GDA: variants seen among roughly 807,000 people sequenced by gnomAD.
The protein encoded by GDA is cytoplasmic PSD-95 interactor.
Under a neutral mutation model 59.6 loss-of-function variants are expected in GDA, and 18 were observed. That is an observed-to-expected ratio of 0.30 (90% CI 0.21 to 0.45). GDA has a LOEUF of 0.45. Ranked by LOEUF, GDA falls within the 20% of genes least tolerant of loss-of-function variation. The pLI is 1.00. For missense variants in GDA, 427 were observed against 552.3 expected, an observed-to-expected ratio of 0.77 and a Z score of 2.27; for synonymous variants, 201 against 201.1, an observed-to-expected ratio of 1.00 and a Z score of 0.00.
chr9:72,137,206 TAA>T (rs11343974), intron 1 of GDA, among the ~76,000 whole-genome samples: 109 of 57,964 alleles, frequency 1.9e-3, no homozygotes, highest in African/African-American at 2.9e-3. Flanking sequence ...ATAAATAAAT[TAA>T]AAAAAAAAAA....
chr9:72,185,010 A>G (rs979540087), intron 1 of GDA, among the ~76,000 whole-genome samples: 2 of 152,256 alleles, frequency 1.3e-5, no homozygotes, highest in Non-Finnish European at 2.9e-5. Context: ...GAGGAAGAAG[A>G]AGAAGATTTT....
At chr9:72,135,232 G>A (rs999537175) in intron 1 of GDA, among the ~76,000 whole-genome samples, 1 of 150,358 alleles carries the variant, frequency 6.7e-6, no homozygotes, top group African/African-American at 2.5e-5. Flanking sequence ...GTGTGTGTGT[G>A]TGTGTGTGTG....
At chr9:72,177,077 G>C (rs1255582776) in intron 1 of GDA, among the ~76,000 whole-genome samples, 1 of 147,506 alleles carries the variant, frequency 6.8e-6, no homozygotes, top group African/African-American at 2.5e-5. Flanking sequence ...ATCATTCTGA[G>C]ACCTTTATAA....
At chr9:72,155,424 T>A (rs1827780375) in intron 1 of GDA, among the ~76,000 whole-genome samples, 1 of 152,026 alleles carries the variant, frequency 6.6e-6, no homozygotes, top group African/African-American at 2.4e-5. Flanking sequence ...TGGAGGCACA[T>A]CCAAACCATA....
At chr9:72,142,475 A>AG (rs1826473849) in intron 1 of GDA, among the ~76,000 whole-genome samples, 1 of 151,680 alleles carries the variant, frequency 6.6e-6, no homozygotes, top group African/African-American at 2.4e-5. Flanking sequence ...CGGGAGGCTG[A>AG]GGCAGGAGAA....
At chr9:72,258,432 G>C (rs912642504), downstream of GDA, among the ~76,000 whole-genome samples, 1 of 152,212 alleles carries the variant, frequency 6.6e-6, no homozygotes, top group Non-Finnish European at 1.5e-5. Context: ...GTGGACTGGA[G>C]ACCAATTGCA....
Position 72,250,555 on chromosome 9 carries a change from A to C in GDA, c.*2213A>C. On this transcript the variant is annotated 3_prime_UTR_variant, in exon 14 of 14. Transcript: ENST00000358399. ...TATAACTTATGTGTTTTATTTCTCC[A>C]AGTGCGGTGTTCCTGAATGTTATGT... is the stretch of plus-strand genomic sequence containing the variant. 2 of 1,446,930 alleles carry C rather than the reference A, an allele frequency of 1.4e-6. No individual in the cohort carries two copies. Among genetic ancestry groups the C allele is most frequent in the Non-Finnish European group, 1.8e-6 (2 of 1,105,982 alleles). 89.6% of individuals were successfully genotyped at this position (1,446,930 alleles called of 1,614,324 possible).
At chr9:72,214,659 AC>A in intron 5 of GDA, 1 of 279,958 alleles carries the variant, frequency 3.6e-6, no homozygotes, top group Non-Finnish European at 6.8e-6. Context: ...TCACAGTCAT[AC>A]AGCTTTTAAG....
At chr9:72,224,487 TG>T (rs927139394) in intron 7 of GDA, among the ~76,000 whole-genome samples, 56 of 152,378 alleles carry the variant, frequency 3.7e-4, no homozygotes, top group African/African-American at 1.3e-3. Flanking sequence ...GATTTTGTGG[TG>T]CCCTAGAGAA....
chr9:72,175,545 G>C (rs962654529), intron 1 of GDA, among the ~76,000 whole-genome samples: 3 of 152,210 alleles, frequency 2.0e-5, no homozygotes, highest in African/African-American at 7.2e-5. Flanking sequence ...AGAGTTCATA[G>C]AAGATGTCTG....
At chr9:72,240,758 G>GCCAGGAGCCA (rs940236672) in intron 10 of GDA, among the ~76,000 whole-genome samples, 1 of 152,132 alleles carries the variant, frequency 6.6e-6, no homozygotes, top group Non-Finnish European at 1.5e-5. Flanking sequence ...GCCAAAGAAT[G>GCCAGGAGCCA]CCAGGAGCCA....
chr9:72,201,884 T>C (rs1188341214), intron 2 of GDA, among the ~76,000 whole-genome samples: 1 of 152,146 alleles, frequency 6.6e-6, no homozygotes, highest in Non-Finnish European at 1.5e-5. Flanking sequence ...GTGGTAGCAT[T>C]AGTGATCACA....
chr9:72,219,617 T>G, intron 6 of GDA, 111 bp downstream of exon 6: 1 of 692,474 alleles, frequency 1.4e-6, no homozygotes, highest in Non-Finnish European at 2.4e-6. Flanking sequence ...ATCTCATGCA[T>G]GTAGAAGTAT....
Position 72,182,628 on chromosome 9 carries a change from G to T in GDA, c.124-12872G>T, listed in dbSNP as rs145839641. ...CTCTTTGTAAAATAAACTTTGTGGGGAGATACTTTGATAATTATATAAATA... is the reference window on the plus strand; with the variant it reads ...CTCTTTGTAAAATAAACTTTGTGGGTAGATACTTTGATAATTATATAAATA... On this transcript the variant is annotated intron_variant, in intron 1 of 13. Coordinates refer to ENST00000358399, the MANE Select transcript of GDA (RefSeq NM_004293.5). Among the ~76,000 whole-genome samples, 147 of 152,266 alleles carry T rather than the reference G, an allele frequency of 9.7e-4. 1 individual carries two copies. In the East Asian group the frequency reaches 0.022, roughly 22 times the overall value.
At chr9:72,252,245 CTGTT>C (rs1019009415), downstream of GDA, 4 of 152,468 alleles carry the variant, frequency 2.6e-5, no homozygotes, top group Non-Finnish European at 4.4e-5. Context: ...TGAGTTCTCT[CTGTT>C]TGGTTTTGTT....
chr9:72,226,264 C>T (rs1307904049), intron 8 of GDA, among the ~76,000 whole-genome samples: 1 of 152,046 alleles, frequency 6.6e-6, no homozygotes, highest in Non-Finnish European at 1.5e-5. Flanking sequence ...GATTAAATTA[C>T]AGAGCATACA....
At chr9:72,180,645 T>A (rs569572510) in intron 1 of GDA, among the ~76,000 whole-genome samples, 1 of 152,360 alleles carries the variant, frequency 6.6e-6, no homozygotes, top group East Asian at 1.9e-4. Flanking sequence ...TTCAAATGTG[T>A]CATTTAACTT....
chr9:72,168,262 T>C (rs1229323130), intron 1 of GDA, among the ~76,000 whole-genome samples: 1 of 151,876 alleles, frequency 6.6e-6, no homozygotes, highest in Non-Finnish European at 1.5e-5. Context: ...GAGCTGGGCA[T>C]AGTGGTGCGT....
intron 10 of GDA, among the ~76,000 whole-genome samples, chr9:72,239,351 G>A (rs1460600919): frequency 6.6e-6 from 1 of 152,042 alleles, no homozygotes; most frequent in Non-Finnish European, 1.5e-5. Flanking sequence ...AAATTGCATA[G>A]CATTATTTCC....
Sources: allele counts gnomAD v4.1 joint callset (sites outside exome capture counted in the v4.1 genomes callset), GRCh38; gene constraint gnomAD v4.1.1; transcripts MANE v1.5; gene names NCBI Gene and HGNC (gene_info 2026-07-23, HGNC 2026-07-21).